The following MYCL variants were observed in gnomAD, a reference collection of about 807,000 sequenced individuals.
The protein encoded by MYCL is protein L-Myc.
A neutral mutation model predicts 31.0 loss-of-function variants in MYCL; 11 were observed. The ratio of observed to expected loss-of-function variants is 0.35; its 90% confidence interval spans 0.22 to 0.59. MYCL has a LOEUF of 0.59. Ranked by LOEUF, MYCL falls within the 20% of genes least tolerant of loss-of-function variation. The probability of loss-of-function intolerance (pLI) is 0.79; values close to 1 mark genes in which losing one functional copy is unlikely to be tolerated. For synonymous variants in MYCL, 208 were observed against 202.4 expected, an observed-to-expected ratio of 1.03 and a Z score of -0.23; for missense variants, 427 against 486.1, an observed-to-expected ratio of 0.88 and a Z score of 1.14.
chr1:39,900,001 G>T, intron 1 of MYCL: 1 of 985,490 alleles, frequency 1.0e-6, no homozygotes. Context: ...GCCCCAGTCT[G>T]CCCTCAGCGA....
chr1:39,897,565 A>G lies in MYCL; in HGVS notation c.902T>C (p.Phe301Ser). 6.2e-7 allele frequency: 1 copy of G among 1,614,212 alleles called. No individual in the cohort carries two copies. The highest frequency in any genetic ancestry group is 8.5e-7 in the Non-Finnish European group (1 of 1,180,036). ...GGGCACCTGGTCCCTCAGCGCCAAGAATCGCGAACGCAGGTCATTCCGCCT... is the reference window on the plus strand; with the variant it reads ...GGGCACCTGGTCCCTCAGCGCCAAGGATCGCGAACGCAGGTCATTCCGCCT... ...RKRRNDLRSR[F>S]LALRDQVPTL... Residue 301 changes from phenylalanine to serine, a missense_variant, in exon 2 of 2, where the codon TTC (phenylalanine) becomes TCC (serine). Physicochemically the swap from Phe to Ser is radical, Grantham distance 155 (BLOSUM62 -2). Transcript: ENST00000372816. The surrounding 1 kb of genome is among the most constrained non-coding windows in gnomAD (Gnocchi z 4.3).
intron 1 of MYCL, chr1:39,900,447 G>A (rs1042724470): frequency 9.0e-6 from 9 of 1,000,882 alleles, no homozygotes; most frequent in Non-Finnish European, 9.5e-6. Flanking sequence ...ACGAGAAGAG[G>A]GCATTTATTA....
Position 39,901,739 on chromosome 1 carries a change from C to G in MYCL, c.-305G>C. On this transcript the variant is annotated 5_prime_UTR_variant, in exon 1 of 2. Transcript: ENST00000372816. The surrounding 1 kb of genome is among the most constrained non-coding windows in gnomAD (Gnocchi z 6.9). ...GGGCCGGGCGGGGGCGCGCCGTGCC[C>G]AGAAGGCAGCCTGCAGCCAGCCCGC... is the stretch of plus-strand genomic sequence containing the variant. 1 of 1,216,126 alleles carries G rather than the reference C, an allele frequency of 8.2e-7. No individual in the cohort carries two copies. The highest frequency in any genetic ancestry group is 1.0e-6 in the Non-Finnish European group (1 of 980,360). 75.3% of individuals were successfully genotyped at this position (1,216,126 alleles called of 1,614,324 possible).
At chr1:39,899,961 T>A in intron 1 of MYCL, 1 of 985,430 alleles carries the variant, frequency 1.0e-6, no homozygotes, top group Non-Finnish European at 1.2e-6. Context: ...GATGCCAGAA[T>A]AAGAACAATG....
intron 1 of MYCL, 36 bp from the exon 2 acceptor site, chr1:39,898,006 C>T (rs2124716294): frequency 6.3e-7 from 1 of 1,591,664 alleles, no homozygotes; most frequent in Non-Finnish European, 8.6e-7. Context: ...AGAAACACAT[C>T]CCATGAGAAA....
In MYCL at chr1:39,901,863, GC is replaced by G; in HGVS notation, c.-430del. The G allele has an allele frequency of 8.2e-7, 1 of 1,226,802 alleles. No individual in the cohort carries two copies. Among genetic ancestry groups the G allele is most frequent in the Non-Finnish European group, 1.0e-6 (1 of 977,338 alleles). The allele number at this position is 1,226,802 out of a possible 1,614,324, so 76.0% of individuals were successfully genotyped here. On this transcript the variant is annotated 5_prime_UTR_variant, in exon 1 of 2. It introduces an in-frame stop codon into an upstream open reading frame of the 5' UTR. Transcript: ENST00000372816. This position sits in a 1 kb window ranked among gnomAD's most constrained non-coding sequence, Gnocchi z 6.9. Reference sequence around the variant, plus strand: ...ACCGGCTCCCCGCCGGCTCGGGGCAGCCCGGCAGCCAGCACACACGCACATG... The same window carrying G: ...ACCGGCTCCCCGCCGGCTCGGGGCAGCCGGCAGCCAGCACACACGCACATG...
At position 39,900,988 on chromosome 1, in the gene MYCL, G is replaced by T; in HGVS notation, c.447C>A (p.Gly149=). The change falls in exon 1 of 2, where the codon GGC becomes GGA. Residue 149 remains glycine, a synonymous_variant. Transcript: ENST00000372816. ...CGGAGCAGGCCTGGGTCTTGGGTTC[G>T]CCCAGCGGACAGGGGGCGGCGGGCG... ...NPAPAAPCPL[G]EPKTQACSGS... The T allele has an allele frequency of 6.7e-7, 1 of 1,485,616 alleles. No individual in the cohort carries two copies. The highest frequency in any genetic ancestry group is 2.5e-5 in the East Asian group (1 of 40,178). 92.0% of individuals were successfully genotyped at this position (1,485,616 alleles called of 1,614,324 possible). A position where few individuals can be genotyped will look rare whatever the true frequency, so the allele number is the denominator to read the frequency against.
chr1:39,898,030 C>G (rs866793057), intron 1 of MYCL, 60 bp from the exon 2 acceptor site: 26 of 1,558,708 alleles, frequency 1.7e-5, no homozygotes, highest in Non-Finnish European at 2.1e-5. Context: ...AAACATAGAC[C>G]CTACAGCTTT....
chr1:39,900,881 C>T, intron 1 of MYCL, 58 bp downstream of exon 1: 1 of 1,510,790 alleles, frequency 6.6e-7, no homozygotes. Flanking sequence ...CAGGCAGGGG[C>T]AGAGCTTTGG....
At chr1:39,899,231 C>T (rs1241471208) in intron 1 of MYCL, 3 of 332,682 alleles carry the variant, frequency 9.0e-6, no homozygotes. Context: ...GCATTTTGTT[C>T]CAGGCCATGT....
At position 39,897,440 on chromosome 1, in the gene MYCL, C is replaced by T. The variant is rs1465671589; in HGVS notation, c.1027G>A (p.Glu343Lys). The T allele has an allele frequency of 6.2e-7, 1 of 1,613,860 alleles. No homozygotes were observed. Among genetic ancestry groups the T allele is most frequent in the South Asian group, 1.1e-5 (1 of 91,084 alleles). ...TGCCGGCATCGGAGCTGTCTTTTCT[C>T]TGTAGCCATCCTCTTCTCAGCCCCC... The part of the protein sequence containing the change: ...LVGAEKRMAT[E>K]KRQLRCRQQQ... Residue 343 changes from glutamate (E) to lysine (K), a missense_variant, in exon 2 of 2, where the codon GAG becomes AAG. Physicochemically the swap from Glu to Lys is moderately conservative, Grantham distance 56. Transcript: ENST00000372816. The surrounding 1 kb of genome is among the most constrained non-coding windows in gnomAD (Gnocchi z 4.3).
chr1:39,899,613 T>G lies in MYCL; in HGVS notation c.496+1326A>C, dbSNP rs1179220405. On this transcript the variant is annotated intron_variant, in intron 1 of 1. Transcript: ENST00000372816. ...TCCACTCTACCACTCCACCAGCCGT[T>G]GTAGAGATACATCTTTATTGGTTTT... The G allele has an allele frequency of 4.1e-6, 4 of 984,730 alleles. No individual in the cohort carries two copies. In the African/African-American group the frequency reaches 7.0e-5, roughly 17 times the overall value. 61.0% of individuals were successfully genotyped at this position (984,730 alleles called of 1,614,324 possible). A position where few individuals can be genotyped will look rare whatever the true frequency, so the allele number is the denominator to read the frequency against.
In MYCL at chr1:39,901,853, G is replaced by C. The variant is rs1570189511; in HGVS notation, c.-419C>G. 8.0e-7 allele frequency: 1 copy of C among 1,246,760 alleles called. No individual in the cohort carries two copies. The highest frequency in any genetic ancestry group is 1.0e-6 in the Non-Finnish European group (1 of 986,234). The allele number at this position is 1,246,760 out of a possible 1,614,324, so 77.2% of individuals were successfully genotyped here. A position where few individuals can be genotyped will look rare whatever the true frequency, so the allele number is the denominator to read the frequency against. Reference sequence around the variant, plus strand: ...CCTGGAGCGGACCGGCTCCCCGCCGGCTCGGGGCAGCCCGGCAGCCAGCAC... The same window carrying C: ...CCTGGAGCGGACCGGCTCCCCGCCGCCTCGGGGCAGCCCGGCAGCCAGCAC... On this transcript the variant is annotated 5_prime_UTR_variant, in exon 1 of 2. Transcript: ENST00000372816. The surrounding 1 kb of genome is among the most constrained non-coding windows in gnomAD (Gnocchi z 6.9).
In MYCL at chr1:39,897,566, A is replaced by T. The variant is rs1290862073; in HGVS notation, c.901T>A (p.Phe301Ile). The T allele has an allele frequency of 1.2e-6, 2 of 1,614,202 alleles. No individual in the cohort carries two copies. The highest frequency in any genetic ancestry group is 2.2e-5 in the South Asian group (2 of 91,078). Residue 301 changes from phenylalanine to isoleucine, a missense_variant, in exon 2 of 2, where the codon TTC becomes ATC. Physicochemically the swap from Phe to Ile is conservative, Grantham distance 21. Transcript: ENST00000372816. This position sits in a 1 kb window ranked among gnomAD's most constrained non-coding sequence, Gnocchi z 4.3. ...RKRRNDLRSR[F>I]LALRDQVPTL... ...GGCACCTGGTCCCTCAGCGCCAAGAATCGCGAACGCAGGTCATTCCGCCTC... is the reference window on the plus strand; with the variant it reads ...GGCACCTGGTCCCTCAGCGCCAAGATTCGCGAACGCAGGTCATTCCGCCTC...
rs1644474498 is a variant in MYCL at position 39,895,516 on chromosome 1, A to T, written c.*1856T>A. Reference sequence around the variant, plus strand: ...TAATCACAACTAAATACAAAATTTCAGGTGAACTTGCCTTTCAAAATAAAT... The same window carrying T: ...TAATCACAACTAAATACAAAATTTCTGGTGAACTTGCCTTTCAAAATAAAT... On this transcript the variant is annotated 3_prime_UTR_variant, in exon 2 of 2. Coordinates refer to ENST00000372816, the MANE Select transcript of MYCL (RefSeq NM_001033081.3). The T allele has an allele frequency of 4.4e-6, 1 of 225,298 alleles. No individual in the cohort carries two copies. The highest frequency in any genetic ancestry group is 2.2e-5 in the African/African-American group (1 of 44,896). 14.0% of individuals were successfully genotyped at this position (225,298 alleles called of 1,614,324 possible). A position where few individuals can be genotyped will look rare whatever the true frequency, so the allele number is the denominator to read the frequency against.
intron 1 of MYCL, chr1:39,900,373 G>C (rs1244928776): frequency 2.0e-6 from 2 of 986,360 alleles, no homozygotes; most frequent in Non-Finnish European, 2.4e-6. Context: ...TCTGTTAATG[G>C]GGAGTGTTCA....
rs1306486582 is a variant in MYCL at position 39,901,849 on chromosome 1, G to C, written c.-415C>G. The C allele has an allele frequency of 2.4e-6, 3 of 1,252,110 alleles. No homozygotes were observed. Among genetic ancestry groups the C allele is most frequent in the East Asian group, 7.8e-5 (2 of 25,662 alleles). 77.6% of individuals were successfully genotyped at this position (1,252,110 alleles called of 1,614,324 possible). A position where few individuals can be genotyped will look rare whatever the true frequency, so the allele number is the denominator to read the frequency against. On this transcript the variant is annotated 5_prime_UTR_variant, in exon 1 of 2. Coordinates refer to ENST00000372816, the MANE Select transcript of MYCL (RefSeq NM_001033081.3). This position sits in a 1 kb window ranked among gnomAD's most constrained non-coding sequence, Gnocchi z 6.9. ...GCCACCTGGAGCGGACCGGCTCCCCGCCGGCTCGGGGCAGCCCGGCAGCCA... is the reference window on the plus strand; with the variant it reads ...GCCACCTGGAGCGGACCGGCTCCCCCCCGGCTCGGGGCAGCCCGGCAGCCA...
At chr1:39,898,013 G>A (rs2124716305) in intron 1 of MYCL, 43 bp from the exon 2 acceptor site, 1 of 1,586,882 alleles carries the variant, frequency 6.3e-7, no homozygotes, top group Non-Finnish European at 8.6e-7. Flanking sequence ...CATCCCATGA[G>A]AAACACAAAC....
rs2124719827 is a variant in MYCL at position 39,901,047 on chromosome 1, C to A, written c.388G>T (p.Asp130Tyr). 2 of 1,543,220 alleles carry A rather than the reference C, an allele frequency of 1.3e-6. No individual in the cohort carries two copies. Among genetic ancestry groups the A allele is most frequent in the Non-Finnish European group, 1.7e-6 (2 of 1,144,532 alleles). ...CCGGCTTCGAGGCTGGGAGTGCAGTCCGGGGCGGCGGACGCCTTGGGCGGG... is the reference window on the plus strand; with the variant it reads ...CCGGCTTCGAGGCTGGGAGTGCAGTACGGGGCGGCGGACGCCTTGGGCGGG... ...GNPPKASAAP[D>Y]CTPSLEAGNP... The change falls in exon 1 of 2, where the codon GAC (aspartate) becomes TAC (tyrosine). Residue 130 changes from aspartate (D) to tyrosine (Y), a missense_variant. Transcript: ENST00000372816. The surrounding 1 kb of genome is among the most constrained non-coding windows in gnomAD (Gnocchi z 6.9).
Sources: gnomAD v4.1 joint callset for allele counts on GRCh38, gnomAD v4.1.1 for gene constraint, Gnocchi (gnomAD v3.1) non-coding constraint, MANE v1.5 for transcripts, NCBI Gene and HGNC (gene_info 2026-07-23, HGNC 2026-07-21) for gene names.